PCDH15: variants seen among roughly 807,000 people sequenced by gnomAD.
The protein encoded by PCDH15 is protocadherin-15.
In PCDH15, 129 loss-of-function variants were observed where a neutral mutation model predicts 178.5. The observed-to-expected ratio is 0.72, with a 90% CI of 0.63 to 0.84. The LOEUF (loss-of-function observed/expected upper bound fraction) is 0.84. Among genes scored for constraint, PCDH15 ranks in the 40% least tolerant of loss-of-function variants. The pLI is 0.00. For synonymous variants in PCDH15, 800 were observed against 732.0 expected (o/e 1.09, Z -1.50); for missense variants, 2,230 against 2,099.9 (o/e 1.06, Z -1.21).
chr10:55,362,242 T>TA (rs1384479421), intron 2 of PCDH15, among the ~76,000 whole-genome samples: 1 of 152,136 alleles, frequency 6.6e-6, no homozygotes, highest in Non-Finnish European at 1.5e-5. Context: ...TCAATAAGCC[T>TA]AAAAAACTAC....
chr10:54,374,832 T>A (rs759819989), intron 4 of PCDH15, among the ~76,000 whole-genome samples: 39 of 152,162 alleles, frequency 2.6e-4, no homozygotes, highest in Non-Finnish European at 4.4e-4. Context: ...AATACAAATA[T>A]CTGAGCGTTG....
intron 1 of PCDH15, among the ~76,000 whole-genome samples, chr10:55,311,488 G>A (rs1357465662): frequency 6.6e-6 from 1 of 152,168 alleles, no homozygotes; most frequent in Non-Finnish European, 1.5e-5. Flanking sequence ...GCATATATTA[G>A]TGCCCCATGA....
At chr10:55,577,934 A>G (rs1237552526) in intron 2 of PCDH15, among the ~76,000 whole-genome samples, 4 of 152,162 alleles carry the variant, frequency 2.6e-5, no homozygotes, top group Non-Finnish European at 4.4e-5. Context: ...CTTTTAATTA[A>G]GAAAGGTTAA....
At chr10:54,441,387 C>A (rs1277109045) in intron 3 of PCDH15, among the ~76,000 whole-genome samples, 1 of 151,852 alleles carries the variant, frequency 6.6e-6, no homozygotes, top group African/African-American at 2.4e-5. Flanking sequence ...CCTGTGAATC[C>A]TTTATCTACA....
chr10:54,656,310 C>T (rs1260382131), intron 2 of PCDH15, among the ~76,000 whole-genome samples: 3 of 150,714 alleles, frequency 2.0e-5, no homozygotes, highest in African/African-American at 7.3e-5. Context: ...CAGAGATTGA[C>T]CCCCAAGGAA....
At chr10:55,320,197 G>T (rs1843851483), upstream of PCDH15, among the ~76,000 whole-genome samples, 1 of 152,166 alleles carries the variant, frequency 6.6e-6, no homozygotes, top group Non-Finnish European at 1.5e-5. Flanking sequence ...TACAGGTGCT[G>T]TGTGTGCTTG....
chr10:54,603,353 T>C (rs2092619732), intron 2 of PCDH15, among the ~76,000 whole-genome samples: 1 of 152,084 alleles, frequency 6.6e-6, no homozygotes, highest in South Asian at 2.1e-4. Flanking sequence ...ACTTTTGAAA[T>C]AGCTTTTTTG....
chr10:54,705,563 T>C (rs2095357159), intron 1 of PCDH15, among the ~76,000 whole-genome samples: 1 of 152,090 alleles, frequency 6.6e-6, no homozygotes, highest in South Asian at 2.1e-4. Context: ...CTATAATCAG[T>C]TTTTACAACC....
At chr10:54,067,054 C>T (rs1249836946) in intron 17 of PCDH15, among the ~76,000 whole-genome samples, 169 bp from the exon 18 acceptor site, 2 of 151,818 alleles carry the variant, frequency 1.3e-5, no homozygotes, top group Non-Finnish European at 2.9e-5. Flanking sequence ...AAAAAAGAAG[C>T]TTGCAAAGAA....
intron 2 of PCDH15, among the ~76,000 whole-genome samples, chr10:54,636,983 C>G (rs1341265711): frequency 6.6e-6 from 1 of 151,780 alleles, no homozygotes; most frequent in African/African-American, 2.4e-5. Context: ...GTGATTCTCC[C>G]AAGTATATAA....
intron 1 of PCDH15, among the ~76,000 whole-genome samples, chr10:54,668,192 A>G (rs1474142242): frequency 6.6e-6 from 1 of 152,112 alleles, no homozygotes; most frequent in Non-Finnish European, 1.5e-5. Flanking sequence ...GTTGGAAAAT[A>G]TCAGTGAACA....
At chr10:54,555,751 A>G (rs947651304) in intron 2 of PCDH15, among the ~76,000 whole-genome samples, 7 of 147,200 alleles carry the variant, frequency 4.8e-5, no homozygotes, top group East Asian at 2.0e-4. Context: ...AAAAAAAAAA[A>G]AAAGAAAAGA....
chr10:54,752,154 C>T (rs1267293783), intron 1 of PCDH15, among the ~76,000 whole-genome samples: 1 of 152,080 alleles, frequency 6.6e-6, no homozygotes, highest in African/African-American at 2.4e-5. Context: ...CAGAATTTGT[C>T]TAAGGCTAAC....
chr10:55,404,105 A>G (rs995217129), intron 2 of PCDH15, among the ~76,000 whole-genome samples: 4 of 152,030 alleles, frequency 2.6e-5, no homozygotes, highest in Admixed American at 2.6e-4. Flanking sequence ...GTTTAAATGT[A>G]TAGTTAGATT....
intron 2 of PCDH15, among the ~76,000 whole-genome samples, chr10:55,025,347 T>C (rs1254151242): frequency 6.6e-6 from 1 of 152,180 alleles, no homozygotes; most frequent in Non-Finnish European, 1.5e-5. Flanking sequence ...CTATTTTCCA[T>C]AATTTCTCAA....
chr10:54,174,702 C>CTTTTTTTTTTTTTTTTTTT (rs1169302544), intron 13 of PCDH15, among the ~76,000 whole-genome samples: 41 of 84,042 alleles, frequency 4.9e-4, no homozygotes, highest in East Asian at 5.9e-4. Flanking sequence ...TTTTTCTTTT[C>CTTTTTTTTTTTTTTTTTTT]TTTTTTTTTT....
At chr10:54,600,067 G>A (rs1021765924) in intron 2 of PCDH15, 20 of 1,166,184 alleles carry the variant, frequency 1.7e-5, no homozygotes, top group Middle Eastern at 1.9e-4. Flanking sequence ...AAAGGAAATC[G>A]AGGAAGCTCC....
intron 1 of PCDH15, among the ~76,000 whole-genome samples, chr10:55,179,126 A>T (rs1351772689): frequency 6.6e-6 from 1 of 152,126 alleles, no homozygotes; most frequent in African/African-American, 2.4e-5. Context: ...ACTCCAAATG[A>T]TCATGTAAAT....
At chr10:54,981,026 T>A (rs1477700051) in intron 2 of PCDH15, among the ~76,000 whole-genome samples, 1 of 150,900 alleles carries the variant, frequency 6.6e-6, no homozygotes, top group African/African-American at 2.5e-5. Flanking sequence ...TTTCCATCCA[T>A]CAAAGTTAAA....
Sources: allele counts gnomAD v4.1 joint callset (sites outside exome capture counted in the v4.1 genomes callset), GRCh38; gene constraint gnomAD v4.1.1; transcripts MANE v1.5; gene names NCBI Gene and HGNC (gene_info 2026-07-23, HGNC 2026-07-21).